Variants in CORO2B observed in about 807,000 individuals in gnomAD.
The protein encoded by CORO2B is coronin 2B, also known as coronin-2B.
Under a neutral mutation model 58.8 loss-of-function variants are expected in CORO2B, and 26 were observed. The observed-to-expected ratio is 0.44, with a 90% CI of 0.32 to 0.61. CORO2B has a LOEUF of 0.61. Ranked by LOEUF, CORO2B falls within the 20% of genes least tolerant of loss-of-function variation. The pLI is 0.04. For missense variants in CORO2B, 460 were observed against 645.1 expected (o/e 0.71, Z 3.11); for synonymous variants, 242 against 253.8 (o/e 0.95, Z 0.44).
chr15:68,714,995 TAC>T (rs1338457250), intron 7 of CORO2B, among the ~76,000 whole-genome samples: 1 of 152,072 alleles, frequency 6.6e-6, no homozygotes, highest in Non-Finnish European at 1.5e-5. Flanking sequence ...AAAGGCTGTC[TAC>T]ACACACACAC....
intron 8 of CORO2B, among the ~76,000 whole-genome samples, chr15:68,716,546 G>A (rs1223472934): frequency 1.3e-5 from 2 of 152,208 alleles, no homozygotes; most frequent in Admixed American, 1.3e-4. Flanking sequence ...CAGGAGACAG[G>A]CAATAAACAA....
At chr15:68,564,637 C>A in the CORO2B span, among the ~76,000 whole-genome samples, 10 of 152,234 alleles carry the variant, frequency 6.6e-5, no homozygotes, top group African/African-American at 2.4e-4. Context: ...TTTCTTTCTT[C>A]TGGTATAGTT....
chr15:68,688,645 T>G (rs1179509840), intron 2 of CORO2B, among the ~76,000 whole-genome samples: 2 of 152,242 alleles, frequency 1.3e-5, no homozygotes, highest in African/African-American at 4.8e-5. Flanking sequence ...CCACTAAATA[T>G]TCTTTGAATA....
chr15:68,653,581 T>TA (rs1901709714), intron 2 of CORO2B, among the ~76,000 whole-genome samples: 1 of 152,120 alleles, frequency 6.6e-6, no homozygotes, highest in South Asian at 2.1e-4. Context: ...CATCCTCCCC[T>TA]GAAAGCCCTT....
chr15:68,647,377 G>A (rs928089953), intron 2 of CORO2B, among the ~76,000 whole-genome samples: 2 of 152,108 alleles, frequency 1.3e-5, no homozygotes, highest in Non-Finnish European at 2.9e-5. Context: ...TATATAAAGA[G>A]TTCCAGAAAA....
chr15:68,631,072 AG>A (rs925408144), intron 1 of CORO2B, among the ~76,000 whole-genome samples: 5 of 152,016 alleles, frequency 3.3e-5, no homozygotes, highest in African/African-American at 1.2e-4. Context: ...GGTTGGGGGT[AG>A]GGGGTGCTGG....
At chr15:68,609,615 T>C (rs1900201120) in intron 1 of CORO2B, among the ~76,000 whole-genome samples, 1 of 152,210 alleles carries the variant, frequency 6.6e-6, no homozygotes, top group Non-Finnish European at 1.5e-5. Context: ...TCCTCTTTGC[T>C]GCTGGTCTCC....
chr15:68,581,189 G>A (rs569444688), intron 1 of CORO2B, among the ~76,000 whole-genome samples: 2 of 152,270 alleles, frequency 1.3e-5, no homozygotes, highest in South Asian at 2.1e-4. Context: ...TTGGTATCCA[G>A]TAACTATTCA....
At chr15:68,711,910 C>A (rs371800269) in intron 5 of CORO2B, among the ~76,000 whole-genome samples, 17 of 152,174 alleles carry the variant, frequency 1.1e-4, no homozygotes, top group African/African-American at 4.1e-4. Context: ...GGACCTCATA[C>A]CCTTTCCTGT....
intron 1 of CORO2B, among the ~76,000 whole-genome samples, chr15:68,627,519 G>A (rs28477950): frequency 0.077 from 11,699 of 152,212 alleles, 615 homozygotes; most frequent in Middle Eastern, 0.15. Flanking sequence ...CTCTCTTGGG[G>A]TTGGGGAGGT....
chr15:68,529,380 C>G, the CORO2B span, among the ~76,000 whole-genome samples: 1 of 152,188 alleles, frequency 6.6e-6, no homozygotes, highest in African/African-American at 2.4e-5. Flanking sequence ...ACAAACAACT[C>G]TAAAGATGAG....
chr15:68,647,689 C>CA (rs3084725), intron 2 of CORO2B, among the ~76,000 whole-genome samples: 21,240 of 122,658 alleles, frequency 0.17, 2,217 homozygotes, highest in Non-Finnish European at 0.23. Context: ...AACTCCATCT[C>CA]AAAAAAAAAA....
chr15:68,649,437 C>T (rs1201854272), intron 2 of CORO2B, among the ~76,000 whole-genome samples: 1 of 152,070 alleles, frequency 6.6e-6, no homozygotes, highest in African/African-American at 2.4e-5. Flanking sequence ...CCTGCAGGTC[C>T]ATCATTAAGG....
At chr15:68,675,624 G>A (rs1039847003) in intron 2 of CORO2B, among the ~76,000 whole-genome samples, 6 of 152,172 alleles carry the variant, frequency 3.9e-5, no homozygotes, top group African/African-American at 1.4e-4. Context: ...CTCCACAGAG[G>A]TAGTGAGACT....
At chr15:68,700,260 C>T (rs916373007) in intron 3 of CORO2B, among the ~76,000 whole-genome samples, 1 of 152,190 alleles carries the variant, frequency 6.6e-6, no homozygotes, top group Non-Finnish European at 1.5e-5. Flanking sequence ...ACATACAGGG[C>T]TGGGGACGGC....
chr15:68,613,646 C>A (rs1056750746), intron 1 of CORO2B, among the ~76,000 whole-genome samples: 1 of 152,174 alleles, frequency 6.6e-6, no homozygotes, highest in African/African-American at 2.4e-5. Flanking sequence ...CAGATATCCT[C>A]CTGAATTAAA....
chr15:68,714,802 C>T (rs1596035562), intron 7 of CORO2B, 139 bp downstream of exon 7: 3 of 668,540 alleles, frequency 4.5e-6, no homozygotes, highest in Non-Finnish European at 5.2e-6. Context: ...CCATCCACAC[C>T]TGCCCTCAAG....
intron 1 of CORO2B, among the ~76,000 whole-genome samples, chr15:68,617,179 G>A (rs370355639): frequency 7.0e-6 from 1 of 143,334 alleles, no homozygotes; most frequent in South Asian, 2.6e-4. Flanking sequence ...CAGGGAATGG[G>A]ATGAGTCATA....
At chr15:68,594,701 G>A (rs1268228691) in intron 1 of CORO2B, among the ~76,000 whole-genome samples, 1 of 152,250 alleles carries the variant, frequency 6.6e-6, no homozygotes, top group Non-Finnish European at 1.5e-5. Flanking sequence ...GCGAGCCAAT[G>A]AGCAGAGGTG....
Sources: allele counts gnomAD v4.1 joint callset (sites outside exome capture counted in the v4.1 genomes callset), GRCh38; gene constraint gnomAD v4.1.1; transcripts MANE v1.5; gene names NCBI Gene and HGNC (gene_info 2026-07-23, HGNC 2026-07-21).